RGS9: variants seen among roughly 807,000 people sequenced by gnomAD.
RGS9 encodes regulator of G protein signaling 9.
Under a neutral mutation model 102.0 loss-of-function variants are expected in RGS9, and 78 were observed. The ratio of observed to expected loss-of-function variants is 0.76; its 90% CI spans 0.64 to 0.92. RGS9 has a LOEUF of 0.92. Among genes scored for constraint, RGS9 ranks in the 40% least tolerant of loss-of-function variants. The probability of loss-of-function intolerance (pLI) is 0.00; values close to 1 mark genes in which losing one functional copy is unlikely to be tolerated. For missense variants in RGS9, 833 were observed against 866.1 expected (o/e 0.96, Z 0.48); for synonymous variants, 353 against 318.6 (o/e 1.11, Z -1.15).
intron 9 of RGS9, chr17:65,188,753 C>T (rs776897835): frequency 7.6e-5 from 13 of 171,554 alleles, no homozygotes; most frequent in Non-Finnish European, 1.4e-4. Flanking sequence ...GCTGGGACTA[C>T]AGGTGCACGC....
intron 16 of RGS9, among the ~76,000 whole-genome samples, chr17:65,208,764 A>G (rs1913171324): frequency 6.6e-6 from 1 of 152,140 alleles, no homozygotes. Context: ...TGCTGGGTCA[A>G]CCCACACTGG....
chr17:65,151,905 T>C (rs1910594760), intron 1 of RGS9, among the ~76,000 whole-genome samples: 2 of 152,214 alleles, frequency 1.3e-5, no homozygotes, highest in Non-Finnish European at 2.9e-5. Flanking sequence ...GTACTATCTA[T>C]GTGGCAGGCA....
At chr17:65,175,140 C>T (rs2144030617) in intron 8 of RGS9, among the ~76,000 whole-genome samples, 1 of 150,912 alleles carries the variant, frequency 6.6e-6, no homozygotes, top group South Asian at 2.1e-4. Flanking sequence ...TGTGAGTGTG[C>T]ATATGTACAT....
chr17:65,202,531 G>GAGGAAC (rs1296549654), intron 14 of RGS9, among the ~76,000 whole-genome samples: 1 of 151,908 alleles, frequency 6.6e-6, no homozygotes, highest in Non-Finnish European at 1.5e-5. Flanking sequence ...TTAGAGATGT[G>GAGGAAC]AGGAACACAG....
At chr17:65,146,797 C>T (rs1311060675) in intron 1 of RGS9, among the ~76,000 whole-genome samples, 1 of 151,828 alleles carries the variant, frequency 6.6e-6, no homozygotes. Context: ...GGCTGAGGCA[C>T]AAGAACCGCT....
chr17:65,210,828 G>A lies in RGS9; in HGVS notation c.1407+223G>A, dbSNP rs145336986. Among the ~76,000 whole-genome samples the A allele has an allele frequency of 4.7e-3, 708 of 152,250 alleles. 5 individuals are homozygous for A. Among genetic ancestry groups the A allele is most frequent in the African/African-American group, 0.016 (681 of 41,554 alleles). ...ACTTCCTAATACCACAGCAACCAGA[G>A]CTTGTTCTCCCAAGCCCACTCATCA... is the stretch of plus-strand genomic sequence containing the variant. On this transcript the variant is annotated intron_variant, in intron 17 of 18. Coordinates refer to ENST00000262406, the MANE Select transcript of RGS9 (RefSeq NM_003835.4).
intron 9 of RGS9, among the ~76,000 whole-genome samples, chr17:65,178,442 C>G (rs542788946): frequency 1.3e-5 from 2 of 151,990 alleles, no homozygotes; most frequent in South Asian, 4.2e-4. Flanking sequence ...AGCCCATGGC[C>G]CTATTGACAT....
rs555891319 is a variant in RGS9 at position 65,186,980 on chromosome 17, C to T, written c.655-2306C>T. 7.2e-5 allele frequency among the ~76,000 whole-genome samples: 11 copies of T among 152,280 alleles called. No individual in the cohort carries two copies. The South Asian group carries it at 2.1e-3, about 29-fold the overall frequency. On this transcript the variant is annotated intron_variant, in intron 9 of 18. Transcript: ENST00000262406. Reference sequence around the variant, plus strand: ...TAAAGTATTAGATTTGAATGTAAGTCCACTCTGGCCCCAGGGTCCTTTTCT... The same window carrying T: ...TAAAGTATTAGATTTGAATGTAAGTTCACTCTGGCCCCAGGGTCCTTTTCT...
chr17:65,181,671 G>T (rs1039299460), intron 9 of RGS9, among the ~76,000 whole-genome samples: 1 of 152,226 alleles, frequency 6.6e-6, no homozygotes, highest in Non-Finnish European at 1.5e-5. Context: ...ATCATTTAGG[G>T]ATGAGGGCAG....
intron 12 of RGS9, among the ~76,000 whole-genome samples, chr17:65,194,676 G>A (rs549244679): frequency 5.9e-5 from 9 of 152,168 alleles, no homozygotes; most frequent in Admixed American, 1.3e-4. Flanking sequence ...GGAGAGTTCC[G>A]GCACACAGAG....
At chr17:65,211,561 A>G (rs1009260827) in intron 17 of RGS9, among the ~76,000 whole-genome samples, 1 of 152,148 alleles carries the variant, frequency 6.6e-6, no homozygotes, top group Non-Finnish European at 1.5e-5. Flanking sequence ...CTGTAGGTGT[A>G]GACGAGGTCA....
At chr17:65,166,358 G>A (rs12600391) in intron 7 of RGS9, among the ~76,000 whole-genome samples, 54,975 of 152,120 alleles carry the variant, frequency 0.36, 13,758 homozygotes, top group African/African-American at 0.69. Flanking sequence ...CCCTGATGCT[G>A]CATGATGGTA....
intron 17 of RGS9, among the ~76,000 whole-genome samples, chr17:65,216,552 G>A (rs1295833755): frequency 3.9e-5 from 6 of 152,176 alleles, no homozygotes; most frequent in Non-Finnish European, 8.8e-5. Context: ...CAGGAGAATC[G>A]CTTGAACCCG....
chr17:65,187,856 C>T (rs1208939765), intron 9 of RGS9, among the ~76,000 whole-genome samples: 7 of 152,224 alleles, frequency 4.6e-5, no homozygotes, highest in Admixed American at 2.6e-4. Context: ...ATTAGCTGGG[C>T]GTGGTGGTGT....
chr17:65,166,835 G>A lies in RGS9; in HGVS notation c.501-1365G>A, dbSNP rs189673674. 5.9e-5 allele frequency among the ~76,000 whole-genome samples: 9 copies of A among 152,312 alleles called. 1 individual carries two copies. The highest frequency in any genetic ancestry group is 5.9e-4 in the Admixed American group (9 of 15,304). On this transcript the variant is annotated intron_variant, in intron 7 of 18. Coordinates refer to ENST00000262406, the MANE Select transcript of RGS9 (RefSeq NM_003835.4). ...AGAAAATCCAGTTAGGCTGTCAGGG[G>A]GAAGTTTGAAAACAATGTTTATATT... is the stretch of plus-strand genomic sequence containing the variant.
intron 13 of RGS9, among the ~76,000 whole-genome samples, chr17:65,200,969 A>T (rs1912810002): frequency 6.6e-6 from 1 of 152,118 alleles, no homozygotes; most frequent in Admixed American, 6.5e-5. Flanking sequence ...ATTTGTAGTT[A>T]AGTTTTTGGA....
chr17:65,162,702 C>T (rs1248202087), intron 6 of RGS9, among the ~76,000 whole-genome samples: 1 of 152,082 alleles, frequency 6.6e-6, no homozygotes, highest in Non-Finnish European at 1.5e-5. Context: ...ATCTCCTGAC[C>T]TTGTGATCTG....
At chr17:65,215,759 C>T (rs1358535239) in intron 17 of RGS9, among the ~76,000 whole-genome samples, 1 of 151,878 alleles carries the variant, frequency 6.6e-6, no homozygotes, top group African/African-American at 2.4e-5. Flanking sequence ...CAGGGTTTCA[C>T]CATGTTGGCC....
chr17:65,189,288 A>C lies in RGS9; in HGVS notation c.657A>C (p.Lys219Asn). 6.2e-7 allele frequency: 1 copy of C among 1,612,392 alleles called. No homozygotes were observed. Among genetic ancestry groups the C allele is most frequent in the South Asian group, 1.1e-5 (1 of 91,024 alleles). Residue 219 changes from lysine (K) to asparagine (N), a missense_variant and splice_region_variant, in exon 10 of 19, where the codon AAA becomes AAC. Lys to Asn is a moderately conservative substitution (Grantham distance 94). Transcript: ENST00000262406. ...TNPNEVKVNQ[K>N]QTVVAVKKEI... ...GGTTTTGTTTCTTTGTCTTACAGAAACAAACAGTCGTTGCTGTCAAAAAAG... is the reference window on the plus strand; with the variant it reads ...GGTTTTGTTTCTTTGTCTTACAGAACCAAACAGTCGTTGCTGTCAAAAAAG...
Sources: gnomAD v4.1 joint callset for allele counts (sites outside exome capture counted in the v4.1 genomes callset) on GRCh38, gnomAD v4.1.1 for gene constraint, MANE v1.5 for transcripts, NCBI Gene and HGNC (gene_info 2026-07-23, HGNC 2026-07-21) for gene names.